FREM1: variants seen among roughly 807,000 people sequenced by gnomAD.
FREM1 encodes the protein FRAS1-related extracellular matrix protein 1.
In FREM1, 220 loss-of-function variants were observed where a neutral mutation model predicts 210.1. The observed-to-expected ratio is 1.05, with a 90% CI of 0.94 to 1.17. The LOEUF is 1.17. Ranked by LOEUF, FREM1 falls within the 50% of genes most tolerant of loss-of-function variation. The pLI, the probability that FREM1 is intolerant of heterozygous loss-of-function variation, is 0.00. For synonymous variants in FREM1, 1,189 were observed against 980.2 expected (o/e 1.21, Z -3.98); for missense variants, 3,454 against 2,675.5 (o/e 1.29, Z -6.42).
chr9:14,775,919 T>A lies in FREM1; in HGVS notation c.4727A>T (p.Asn1576Ile), dbSNP rs2101770. Residue 1576 changes from asparagine (N) to isoleucine (I), a missense_variant, in exon 25 of 37, where the codon AAT (asparagine) becomes ATT (isoleucine). Transcript: ENST00000380880. ...NFTQQDVDSKNVAYRHSGGDS... is the reference protein window; with the variant it reads ...NFTQQDVDSKIVAYRHSGGDS... ...CCCTCCTGAGTGCCGATAGGCCACATTCTTGCTGTCCACATCCTGCTGGGT... is the reference window on the plus strand; with the variant it reads ...CCCTCCTGAGTGCCGATAGGCCACAATCTTGCTGTCCACATCCTGCTGGGT... The A allele has an allele frequency of 4.2e-3, 6,718 of 1,613,978 alleles. 97 individuals are homozygous for A. In the Admixed American group the frequency reaches 0.048, roughly 11 times the overall value.
rs111830649 is a variant in FREM1, at chr9:14,742,592, T to C, written c.6255-2358A>G. Among the ~76,000 whole-genome samples, 1,233 of 152,278 alleles carry C rather than the reference T, an allele frequency of 8.1e-3. 20 individuals carry two copies. Among genetic ancestry groups the C allele is most frequent in the African/African-American group, 0.028 (1,174 of 41,566 alleles). ...AAAATTTGCTGTCCTTGTGGAAATA[T>C]GGGTGTTGTGAATGACCCTCTGTAA... On this transcript the variant is annotated intron_variant, in intron 35 of 36. Transcript: ENST00000380880.
intron 5 of FREM1, among the ~76,000 whole-genome samples, chr9:14,853,027 G>C (rs1222431668): frequency 2.0e-5 from 3 of 152,196 alleles, no homozygotes; most frequent in South Asian, 4.1e-4. Flanking sequence ...TTAGGAGAGA[G>C]GAGTGCTTTG....
At chr9:14,897,558 C>A (rs963783943) in intron 1 of FREM1, among the ~76,000 whole-genome samples, 5 of 151,064 alleles carry the variant, frequency 3.3e-5, no homozygotes, top group African/African-American at 1.2e-4. Flanking sequence ...CACCTAAAAC[C>A]AACAAAGAGG....
chr9:14,860,764 CATATATACACATATAT>C (rs1829863175), intron 3 of FREM1, among the ~76,000 whole-genome samples: 1 of 103,754 alleles, frequency 9.6e-6, no homozygotes, highest in Admixed American at 1.1e-4. Flanking sequence ...TATATATGCA[CATATATACACATATAT>C]ACATATATAC....
At chr9:14,909,585 T>A (rs1165457435) in intron 1 of FREM1, among the ~76,000 whole-genome samples, 2 of 152,278 alleles carry the variant, frequency 1.3e-5, no homozygotes, top group South Asian at 4.1e-4. Flanking sequence ...TTCATTTAGC[T>A]GAGAAGAAAC....
chr9:14,789,797 C>T (rs894694062), intron 22 of FREM1, among the ~76,000 whole-genome samples: 3 of 152,106 alleles, frequency 2.0e-5, no homozygotes, highest in African/African-American at 7.2e-5. Context: ...GAAATTGTGG[C>T]ATTTTGAATT....
chr9:14,759,308 G>A (rs945521624), intron 28 of FREM1, among the ~76,000 whole-genome samples: 7 of 151,986 alleles, frequency 4.6e-5, no homozygotes, highest in Non-Finnish European at 1.0e-4. Flanking sequence ...TGAGGAGTTC[G>A]AGACCAGCCT....
intron 1 of FREM1, among the ~76,000 whole-genome samples, chr9:14,899,497 A>C (rs768796218): frequency 1.3e-5 from 2 of 152,236 alleles, no homozygotes; most frequent in Non-Finnish European, 2.9e-5. Flanking sequence ...GGCTGCAAAT[A>C]AAGTATCTGA....
chr9:14,900,584 A>T (rs552265297), intron 1 of FREM1, among the ~76,000 whole-genome samples: 1 of 152,020 alleles, frequency 6.6e-6, no homozygotes, highest in African/African-American at 2.4e-5. Flanking sequence ...TGGTTGGGGG[A>T]GGGCTGGGAA....
At chr9:14,860,993 A>G (rs1464833935) in intron 3 of FREM1, among the ~76,000 whole-genome samples, 1 of 127,294 alleles carries the variant, frequency 7.9e-6, no homozygotes, top group Non-Finnish European at 1.6e-5. Context: ...ACATATATAC[A>G]TATATATACA....
chr9:14,782,433 C>T (rs1849779470), intron 24 of FREM1: 1 of 711,954 alleles, frequency 1.4e-6, no homozygotes, highest in East Asian at 1.3e-4. Context: ...TCACTGGTTT[C>T]TTCAAGACAG....
intron 25 of FREM1, among the ~76,000 whole-genome samples, chr9:14,774,965 G>A: frequency 6.6e-6 from 1 of 152,136 alleles, no homozygotes; most frequent in East Asian, 1.9e-4. Flanking sequence ...TGTGGAGTGG[G>A]TCTAGCTTGC....
chr9:14,799,260 T>C (rs1853063553), intron 20 of FREM1, among the ~76,000 whole-genome samples: 1 of 150,310 alleles, frequency 6.7e-6, no homozygotes, highest in Non-Finnish European at 1.5e-5. Context: ...CAATCCAGCC[T>C]AAGTGACAGT....
chr9:14,747,349 C>T lies in FREM1; in HGVS notation c.5924G>A (p.Ser1975Asn). Residue 1975 changes from serine to asparagine, a missense_variant, in exon 33 of 37, where the codon AGT becomes AAT. Coordinates refer to ENST00000380880, the MANE Select transcript of FREM1 (RefSeq NM_001379081.2). ...CACTTTGATTGTCTTTTGTGGCTGA[C>T]TAATGATGGATACTTTGGCCTTCCT... ...HKRKAKVSII[S>N]QPQKTIKVAE... 6.2e-7 allele frequency: 1 copy of T among 1,613,664 alleles called. No homozygotes were observed. Among genetic ancestry groups the T allele is most frequent in the East Asian group, 2.2e-5 (1 of 44,856 alleles).
chr9:14,815,081 T>G (rs577803746), intron 15 of FREM1, among the ~76,000 whole-genome samples: 82 of 152,322 alleles, frequency 5.4e-4, no homozygotes, highest in African/African-American at 1.9e-3. Context: ...AAGGCCATTA[T>G]GAGGACTAAG....
At chr9:14,861,351 A>ATATATACACATATATACACG (rs1830523708) in intron 3 of FREM1, among the ~76,000 whole-genome samples, 1 of 129,332 alleles carries the variant, frequency 7.7e-6, no homozygotes, top group Non-Finnish European at 1.6e-5. Context: ...ATATATATAC[A>ATATATACACATATATACACG]TATATACACA....
chr9:14,753,690 T>C (rs2132120719), intron 29 of FREM1, among the ~76,000 whole-genome samples: 1 of 152,100 alleles, frequency 6.6e-6, no homozygotes, highest in South Asian at 2.1e-4. Context: ...GTAAAAGGGG[T>C]GGATATGGGG....
At chr9:14,855,035 G>A (rs1828473937) in intron 5 of FREM1, among the ~76,000 whole-genome samples, 1 of 151,794 alleles carries the variant, frequency 6.6e-6, no homozygotes, top group Non-Finnish European at 1.5e-5. Flanking sequence ...AAAATCCTTA[G>A]GGGCTTTTTT....
rs1287288988 is a variant in FREM1, at chr9:14,836,408, C to G, written c.1881+5039G>C. On this transcript the variant is annotated intron_variant, in intron 10 of 36. Coordinates refer to ENST00000380880, the MANE Select transcript of FREM1 (RefSeq NM_001379081.2). The surrounding 1 kb of genome is among the most constrained non-coding windows in gnomAD (Gnocchi z 4.9). ...ATTTTTTATTGGATTTAGTGATGCA[C>G]TTTTAAATGAAACATGCTGCTTTTG... Among the ~76,000 whole-genome samples the G allele has an allele frequency of 6.6e-6, 1 of 152,118 alleles. No homozygotes were observed. Among genetic ancestry groups the G allele is most frequent in the Non-Finnish European group, 1.5e-5 (1 of 68,018 alleles).
Sources: gnomAD v4.1 joint callset for allele counts (sites outside exome capture counted in the v4.1 genomes callset) on GRCh38, gnomAD v4.1.1 for gene constraint, Gnocchi (gnomAD v3.1) non-coding constraint, MANE v1.5 for transcripts, NCBI Gene and HGNC (gene_info 2026-07-23, HGNC 2026-07-21) for gene names.